ELFN1: variants seen among roughly 807,000 people sequenced by gnomAD.
ELFN1 encodes protein ELFN1.
In ELFN1, 6 loss-of-function variants were observed where a neutral mutation model predicts 7.6. The ratio of observed to expected loss-of-function variants is 0.79; its 90% CI spans 0.43 to 1.56. The LOEUF (loss-of-function observed/expected upper bound fraction) is 1.56, where lower values mean the gene tolerates loss of function less well. Ranked by LOEUF, ELFN1 falls within the 40% of genes most tolerant of loss-of-function variation. The probability of loss-of-function intolerance (pLI) is 0.01; values close to 1 mark genes in which losing one functional copy is unlikely to be tolerated. For synonymous variants in ELFN1, 657 were observed against 588.1 expected (o/e 1.12, Z -1.70); for missense variants, 1,169 against 1,232.2 (o/e 0.95, Z 0.77).
intron 2 of ELFN1, among the ~76,000 whole-genome samples, chr7:1,697,259 TC>T (rs1779336326): frequency 6.6e-6 from 1 of 151,996 alleles, no homozygotes; most frequent in Non-Finnish European, 1.5e-5. Flanking sequence ...CATATTCCCA[TC>T]CATGGACACG....
chr7:1,666,525 G>A (rs1778673787), upstream of ELFN1, among the ~76,000 whole-genome samples: 1 of 152,016 alleles, frequency 6.6e-6, no homozygotes, highest in African/African-American at 2.4e-5. The surrounding 1 kb of genome is among the most constrained non-coding windows in gnomAD (Gnocchi z 7.9). Context: ...TTCCCTCCCC[G>A]ACGCCGCGGC....
At chr7:1,728,574 C>T (rs1440017552) in intron 3 of ELFN1, among the ~76,000 whole-genome samples, 4 of 152,344 alleles carry the variant, frequency 2.6e-5, no homozygotes, top group African/African-American at 9.6e-5. Flanking sequence ...CTGGGCTTTG[C>T]TCAGACCCCC....
chr7:1,679,704 C>T (rs533088628), intron 1 of ELFN1, among the ~76,000 whole-genome samples: 26 of 152,284 alleles, frequency 1.7e-4, no homozygotes, highest in Non-Finnish European at 2.5e-4. Flanking sequence ...ATTTGTGGGG[C>T]GTTGGCACAG....
At chr7:1,681,911 A>G (rs557572799) in intron 1 of ELFN1, among the ~76,000 whole-genome samples, 4 of 152,184 alleles carry the variant, frequency 2.6e-5, no homozygotes, top group African/African-American at 4.8e-5. Context: ...TAAAATGTCT[A>G]TTCAAATCTC....
chr7:1,677,474 G>A (rs887573382), intron 1 of ELFN1, among the ~76,000 whole-genome samples: 1 of 152,234 alleles, frequency 6.6e-6, no homozygotes, highest in Admixed American at 6.5e-5. Context: ...TCACGTGTGT[G>A]CGTGTAGATT....
At chr7:1,678,288 CT>C (rs1310053548) in intron 1 of ELFN1, among the ~76,000 whole-genome samples, 5 of 152,178 alleles carry the variant, frequency 3.3e-5, no homozygotes, top group Non-Finnish European at 7.4e-5. Context: ...CAACATGGGA[CT>C]TCAGCTCCCA....
Position 1,741,084 on chromosome 7 carries a change from T to G in ELFN1, c.-293-3220T>G, listed in dbSNP as rs372534918. ...GGCAGAGGTTGCAGTGAGCTGAGAT[T>G]GCACCACTGCACTCCAGCCTGGGTG... On this transcript the variant is annotated intron_variant, in intron 3 of 3. Transcript: ENST00000424383. Among the ~76,000 whole-genome samples, 68 of 145,892 alleles carry G rather than the reference T, an allele frequency of 4.7e-4. 1 individual carries two copies. In the South Asian group the frequency reaches 0.014, roughly 30 times the overall value.
upstream of ELFN1, among the ~76,000 whole-genome samples, chr7:1,668,426 A>G (rs1273467034): frequency 2.0e-5 from 3 of 152,194 alleles, no homozygotes; most frequent in East Asian, 5.8e-4. Context: ...GCCTGGGGGA[A>G]CCTGCTGGAA....
At chr7:1,720,413 A>C (rs1191316496) in intron 3 of ELFN1, among the ~76,000 whole-genome samples, 1 of 152,190 alleles carries the variant, frequency 6.6e-6, no homozygotes, top group Non-Finnish European at 1.5e-5. Flanking sequence ...GCAGCCAGCT[A>C]TGCCCCAACA....
At chr7:1,727,311 C>A (rs1583381072) in intron 3 of ELFN1, among the ~76,000 whole-genome samples, 1 of 152,168 alleles carries the variant, frequency 6.6e-6, no homozygotes, top group East Asian at 1.9e-4. Flanking sequence ...GAGACAAGGT[C>A]TTTTATTCTG....
intron 1 of ELFN1, among the ~76,000 whole-genome samples, chr7:1,674,564 G>A (rs963849900): frequency 1.3e-5 from 2 of 152,128 alleles, no homozygotes; most frequent in Non-Finnish European, 2.9e-5. Context: ...GAGAGGCAGC[G>A]GAAGGGAAGG....
intron 2 of ELFN1, among the ~76,000 whole-genome samples, chr7:1,698,852 A>G (rs988894618): frequency 2.0e-5 from 3 of 152,202 alleles, no homozygotes; most frequent in Non-Finnish European, 2.9e-5. Flanking sequence ...GCACAGCTTA[A>G]TGAATTTTCA....
At chr7:1,675,505 G>C (rs1484994363) in intron 1 of ELFN1, among the ~76,000 whole-genome samples, 2 of 152,212 alleles carry the variant, frequency 1.3e-5, no homozygotes, top group Non-Finnish European at 2.9e-5. Context: ...TTTTCAGCAG[G>C]ATCAAACTCA....
At chr7:1,682,538 T>C (rs1230855630) in intron 1 of ELFN1, among the ~76,000 whole-genome samples, 2 of 152,060 alleles carry the variant, frequency 1.3e-5, no homozygotes, top group Non-Finnish European at 2.9e-5. Flanking sequence ...ATTCCTGGGC[T>C]CAAGTGATCT....
rs1163244033 is a variant in ELFN1, at chr7:1,744,981, C to T, written c.385C>T (p.Arg129Cys). The change falls in exon 4 of 4, where the codon CGC becomes TGC. Residue 129 changes from arginine (R) to cysteine (C), a missense_variant. Coordinates refer to ENST00000424383, the MANE Select transcript of ELFN1 (RefSeq NM_001128636.4). ...GCGCAACCTCACGGAGGGCATGCTG[C>T]GCGGCCTGGGCAAGCTGGAGTACCT... ...RLRNLTEGML[R>C]GLGKLEYLYL... is the part of the protein sequence containing the mutation. 6 of 1,550,912 alleles carry T rather than the reference C, an allele frequency of 3.9e-6. No homozygotes were observed. The highest frequency in any genetic ancestry group is 3.9e-5 in the Admixed American group (2 of 50,982).
At chr7:1,727,529 TC>T (rs1324536244) in intron 3 of ELFN1, among the ~76,000 whole-genome samples, 2 of 152,084 alleles carry the variant, frequency 1.3e-5, no homozygotes, top group African/African-American at 4.8e-5. Context: ...CCAAGCTGTC[TC>T]CCCAGCCCCA....
At chr7:1,719,618 C>T (rs534220406) in intron 3 of ELFN1, among the ~76,000 whole-genome samples, 20 of 152,206 alleles carry the variant, frequency 1.3e-4, no homozygotes, top group Non-Finnish European at 2.6e-4. Flanking sequence ...GCCACAGACT[C>T]TGATTCTGTG....
chr7:1,685,776 T>C (rs951361315), intron 1 of ELFN1, among the ~76,000 whole-genome samples: 11 of 149,064 alleles, frequency 7.4e-5, no homozygotes, highest in African/African-American at 2.7e-4. Context: ...TATAAACCGT[T>C]GAAAGATTTA....
At chr7:1,737,776 C>T (rs1282744962) in intron 3 of ELFN1, among the ~76,000 whole-genome samples, 2 of 152,178 alleles carry the variant, frequency 1.3e-5, no homozygotes, top group East Asian at 3.9e-4. Context: ...CCAGAGGCCA[C>T]TGGTGGTTCC....
Sources: allele counts gnomAD v4.1 joint callset (sites outside exome capture counted in the v4.1 genomes callset), GRCh38; gene constraint gnomAD v4.1.1; non-coding constraint Gnocchi (gnomAD v3.1); transcripts MANE v1.5; gene names NCBI Gene and HGNC (gene_info 2026-07-23, HGNC 2026-07-21).